The following RHOA variants were observed in gnomAD, a reference collection of about 807,000 sequenced individuals.
The protein encoded by RHOA is transforming protein RhoA.
In RHOA, 3 loss-of-function variants were observed where a neutral mutation model predicts 17.5. The ratio of observed to expected loss-of-function variants is 0.17; its 90% CI spans 0.08 to 0.44. The LOEUF (loss-of-function observed/expected upper bound fraction) is 0.44, where lower values mean the gene tolerates loss of function less well. RHOA is among the 20% of genes least tolerant of loss of function. RHOA has a pLI of 0.99. For synonymous variants in RHOA, 98 were observed against 88.4 expected (o/e 1.11, Z -0.61); for missense variants, 56 against 242.3 (o/e 0.23, Z 5.10).
At chr3:49,399,545 G>A (rs1302958393) in intron 1 of RHOA, among the ~76,000 whole-genome samples, 2 of 151,298 alleles carry the variant, frequency 1.3e-5, no homozygotes, top group East Asian at 3.9e-4. Context: ...ACTGGTATAT[G>A]TATAGACTGT....
intron 1 of RHOA, among the ~76,000 whole-genome samples, chr3:49,400,692 G>T (rs932036372): frequency 3.3e-5 from 5 of 152,126 alleles, no homozygotes; most frequent in Middle Eastern, 3.4e-3. Context: ...CTGCACTCCA[G>T]CCTGGGTGAC....
chr3:49,407,636 T>A (rs1030430199), intron 1 of RHOA, among the ~76,000 whole-genome samples: 11 of 152,194 alleles, frequency 7.2e-5, no homozygotes, highest in Non-Finnish European at 1.0e-4. Flanking sequence ...GTTTTTTTTT[T>A]AATATCAGAT....
intron 1 of RHOA, among the ~76,000 whole-genome samples, chr3:49,411,608 G>T (rs2048937819): frequency 6.6e-6 from 1 of 151,754 alleles, no homozygotes; most frequent in Admixed American, 6.6e-5. Context: ...GGAGACTACC[G>T]GGCGCGCTTC....
intron 3 of RHOA, among the ~76,000 whole-genome samples, chr3:49,367,363 A>AAAAAAAAAAAAAAAAAT: frequency 7.1e-6 from 1 of 141,466 alleles, no homozygotes; most frequent in Non-Finnish European, 1.6e-5. Context: ...AAAAAAAAAA[A>AAAAAAAAAAAAAAAAAT]AAAGAATACT....
chr3:49,363,016 T>C (rs1349605079), intron 3 of RHOA, among the ~76,000 whole-genome samples: 1 of 152,198 alleles, frequency 6.6e-6, no homozygotes, highest in Non-Finnish European at 1.5e-5. Flanking sequence ...GGGGTCCCCA[T>C]TCTAGGGCAG....
chr3:49,383,841 C>T (rs1380263198), intron 1 of RHOA, among the ~76,000 whole-genome samples: 1 of 152,022 alleles, frequency 6.6e-6, no homozygotes, highest in Non-Finnish European at 1.5e-5. Context: ...ACCAGCCTGG[C>T]AAACATGGCA....
chr3:49,405,907 AC>A (rs2048825244), intron 1 of RHOA, among the ~76,000 whole-genome samples: 1 of 151,976 alleles, frequency 6.6e-6, no homozygotes, highest in Non-Finnish European at 1.5e-5. Flanking sequence ...CTGGTTTCGA[AC>A]TCCTGACCTC....
intron 2 of RHOA, among the ~76,000 whole-genome samples, chr3:49,374,950 G>C (rs1386472018): frequency 6.6e-6 from 1 of 151,910 alleles, no homozygotes. Flanking sequence ...CCAGCTACTG[G>C]GGAGGCTGAG....
At chr3:49,364,970 CA>C (rs552675186) in intron 3 of RHOA, among the ~76,000 whole-genome samples, 20 of 151,564 alleles carry the variant, frequency 1.3e-4, no homozygotes, top group African/African-American at 4.6e-4. Flanking sequence ...AAGTCTGTCT[CA>C]AAAAAACAAA....
intron 3 of RHOA, among the ~76,000 whole-genome samples, chr3:49,365,757 A>T (rs2048045332): frequency 6.6e-6 from 1 of 151,124 alleles, no homozygotes; most frequent in Non-Finnish European, 1.5e-5. Flanking sequence ...TACTTGGCTA[A>T]GTTTTGTATT....
intron 1 of RHOA, among the ~76,000 whole-genome samples, chr3:49,385,721 C>T (rs548471276): frequency 6.6e-6 from 1 of 152,034 alleles, no homozygotes; most frequent in East Asian, 1.9e-4. Flanking sequence ...TTAAGTCTTA[C>T]ACTTTAGGCC....
At chr3:49,387,655 G>A (rs1010650593) in intron 1 of RHOA, among the ~76,000 whole-genome samples, 2 of 149,036 alleles carry the variant, frequency 1.3e-5, no homozygotes, top group Non-Finnish European at 3.0e-5. Context: ...TGAGGTAGGA[G>A]AATGGTGTGA....
At chr3:49,399,755 C>T (rs1037125543) in intron 1 of RHOA, among the ~76,000 whole-genome samples, 3 of 151,972 alleles carry the variant, frequency 2.0e-5, no homozygotes, top group Non-Finnish European at 2.9e-5. Flanking sequence ...CCTCTAGGGG[C>T]CATATATCCT....
intron 1 of RHOA, among the ~76,000 whole-genome samples, chr3:49,388,237 T>G (rs921774846): frequency 6.6e-6 from 1 of 151,762 alleles, no homozygotes; most frequent in African/African-American, 2.4e-5. Context: ...CCCAGGCTGG[T>G]CTCAAACTCC....
At chr3:49,398,839 C>CA (rs71080506) in intron 1 of RHOA, among the ~76,000 whole-genome samples, 513 of 35,640 alleles carry the variant, frequency 0.014, 107 homozygotes, top group East Asian at 0.14. Flanking sequence ...GACTCCGTCT[C>CA]AAAAAAAAAA....
At chr3:49,405,066 G>A (rs1165570292) in intron 1 of RHOA, among the ~76,000 whole-genome samples, 1 of 151,180 alleles carries the variant, frequency 6.6e-6, no homozygotes, top group African/African-American at 2.4e-5. Flanking sequence ...TGGCTAACAC[G>A]GTAAAACCCT....
At chr3:49,409,705 T>C (rs906801525) in intron 1 of RHOA, among the ~76,000 whole-genome samples, 1 of 152,106 alleles carries the variant, frequency 6.6e-6, no homozygotes, top group African/African-American at 2.4e-5. Flanking sequence ...TCCTAATAAC[T>C]TACACCCCCA....
chr3:49,386,604 C>T (rs540741819), intron 1 of RHOA, among the ~76,000 whole-genome samples: 2 of 152,272 alleles, frequency 1.3e-5, no homozygotes, highest in African/African-American at 4.8e-5. Flanking sequence ...CTTCCTTCCC[C>T]GTGTCAAGAG....
intron 3 of RHOA, among the ~76,000 whole-genome samples, chr3:49,363,852 T>C (rs963642076): frequency 4.6e-5 from 7 of 151,578 alleles, no homozygotes; most frequent in Non-Finnish European, 8.8e-5. Flanking sequence ...TGAGACTCTG[T>C]ATCAAAAAAG....
Sources: gnomAD v4.1 joint callset for allele counts (sites outside exome capture counted in the v4.1 genomes callset) on GRCh38, gnomAD v4.1.1 for gene constraint, MANE v1.5 for transcripts, NCBI Gene and HGNC (gene_info 2026-07-23, HGNC 2026-07-21) for gene names.